Variants in PLXNA4 observed in about 807,000 individuals in gnomAD.
The protein encoded by PLXNA4 is plexin-A4.
Under a neutral mutation model 191.8 loss-of-function variants are expected in PLXNA4, and 44 were observed. The ratio of observed to expected loss-of-function variants is 0.23; its 90% CI spans 0.18 to 0.29. The LOEUF is 0.29. Ranked by LOEUF, PLXNA4 falls within the 10% of genes least tolerant of loss-of-function variation. The pLI is 1.00. For missense variants in PLXNA4, 1,800 were observed against 2,488.8 expected, an observed-to-expected ratio of 0.72 and a Z score of 5.89; for synonymous variants, 1,082 against 1,009.5, an observed-to-expected ratio of 1.07 and a Z score of -1.36.
At chr7:132,223,712 A>T in intron 8 of PLXNA4, 71 bp from the exon 9 acceptor site, 1 of 1,180,988 alleles carries the variant, frequency 8.5e-7, no homozygotes. Flanking sequence ...TTGAGTCTCT[A>T]TGGTCTAGCA....
At chr7:132,524,408 T>C (rs970660889) in intron 1 of PLXNA4, among the ~76,000 whole-genome samples, 1 of 152,022 alleles carries the variant, frequency 6.6e-6, no homozygotes, top group Admixed American at 6.5e-5. Flanking sequence ...GGATTGAAAA[T>C]GGAAAAGGGG....
chr7:132,589,519 C>T (rs1802567476), intron 2 of PLXNA4, among the ~76,000 whole-genome samples: 1 of 151,950 alleles, frequency 6.6e-6, no homozygotes. Context: ...TTTTAGTATC[C>T]CCATTTATAA....
chr7:132,191,313 A>G (rs1431518053), intron 14 of PLXNA4, among the ~76,000 whole-genome samples: 2 of 152,188 alleles, frequency 1.3e-5, no homozygotes, highest in African/African-American at 4.8e-5. Flanking sequence ...TCAGGAATGA[A>G]GGGATGCTGA....
intron 1 of PLXNA4, among the ~76,000 whole-genome samples, chr7:132,533,639 T>G (rs1799712437): frequency 6.6e-6 from 1 of 152,256 alleles, no homozygotes; most frequent in Non-Finnish European, 1.5e-5. Context: ...AAACTGCAGC[T>G]GCCCTGCCCA....
intron 3 of PLXNA4, among the ~76,000 whole-genome samples, chr7:132,311,193 T>TGTGTGTGTGTGTGTGTGTGTGTGCGCGC (rs71178034): frequency 1.9e-4 from 17 of 89,906 alleles, no homozygotes; most frequent in African/African-American, 6.5e-4. Flanking sequence ...TGTGTGTGTG[T>TGTGTGTGTGTGTGTGTGTGTGTGCGCGC]GCGCGTGTGG....
chr7:132,368,526 G>T (rs575104535), intron 3 of PLXNA4, among the ~76,000 whole-genome samples: 1 of 152,274 alleles, frequency 6.6e-6, no homozygotes, highest in South Asian at 2.1e-4. Flanking sequence ...GTGGGCTGTG[G>T]TCTCTCCTGT....
At chr7:132,254,133 C>T (rs1799350753) in intron 4 of PLXNA4, among the ~76,000 whole-genome samples, 1 of 152,164 alleles carries the variant, frequency 6.6e-6, no homozygotes, top group South Asian at 2.1e-4. Flanking sequence ...GGAAAAATCT[C>T]CAGGAGTGTC....
intron 3 of PLXNA4, among the ~76,000 whole-genome samples, chr7:132,362,805 T>G (rs1015842336): frequency 6.6e-6 from 1 of 152,290 alleles, no homozygotes; most frequent in East Asian, 1.9e-4. Context: ...ACAGGAAAAC[T>G]AATGTACATA....
intron 4 of PLXNA4, among the ~76,000 whole-genome samples, chr7:132,296,441 C>CTTT (rs11386403): frequency 6.2e-5 from 9 of 145,404 alleles, no homozygotes; most frequent in East Asian, 2.0e-4. Context: ...TTTAATTTCT[C>CTTT]TTTTTTTTTT....
chr7:132,626,501 G>T (rs1314562565), intron 2 of PLXNA4, among the ~76,000 whole-genome samples: 1 of 152,104 alleles, frequency 6.6e-6, no homozygotes, highest in East Asian at 1.9e-4. Context: ...CATCCCTTTG[G>T]TGCTGTCCTT....
intron 30 of PLXNA4, among the ~76,000 whole-genome samples, chr7:132,138,414 G>T (rs1795174848): frequency 6.6e-6 from 1 of 152,140 alleles, no homozygotes; most frequent in Non-Finnish European, 1.5e-5. Flanking sequence ...CCCAGGTGAG[G>T]TCTGCCCTGC....
At chr7:132,443,760 A>G (rs917488293) in intron 3 of PLXNA4, among the ~76,000 whole-genome samples, 1 of 152,200 alleles carries the variant, frequency 6.6e-6, no homozygotes, top group Admixed American at 6.5e-5. Flanking sequence ...CCAAAGACCA[A>G]CATGTGGCAT....
At position 132,130,049 on chromosome 7, in the gene PLXNA4, C is replaced by A. The variant is rs1041222741; in HGVS notation, c.*430G>T. ...ACTGAAGTCCTTCCTTGCCTCTTCC[C>A]TAGGCCAAGGCTCAGACCAAAGCAG... is the stretch of plus-strand genomic sequence containing the variant. On this transcript the variant is annotated 3_prime_UTR_variant, in exon 32 of 32. Transcript: ENST00000321063. 1.6e-5 allele frequency: 3 copies of A among 187,916 alleles called. No individual in the cohort carries two copies. Among genetic ancestry groups the A allele is most frequent in the Non-Finnish European group, 3.4e-5 (3 of 88,426 alleles). The allele number at this position is 187,916 out of a possible 1,614,324, so 11.6% of individuals were successfully genotyped here.
chr7:132,203,299 T>G, intron 11 of PLXNA4, 24 bp downstream of exon 11: 3 of 1,115,176 alleles, frequency 2.7e-6, no homozygotes, highest in Non-Finnish European at 4.0e-6. Context: ...CTCCCTCCCC[T>G]GCTAGGCCCC....
chr7:132,217,428 G>A (rs1303970097), intron 9 of PLXNA4, among the ~76,000 whole-genome samples: 4 of 152,172 alleles, frequency 2.6e-5, no homozygotes, highest in Non-Finnish European at 4.4e-5. Flanking sequence ...TTTACAAAAT[G>A]AGGGCTTTAA....
In PLXNA4 at chr7:132,597,915, G is replaced by A. The variant is rs144453926; in HGVS notation, c.-87+48013C>T. 6.1e-3 allele frequency among the ~76,000 whole-genome samples: 910 copies of A among 148,158 alleles called. 10 individuals carry two copies. The highest frequency in any genetic ancestry group is 0.022 in the African/African-American group (891 of 40,380). On this transcript the variant is annotated intron_variant, in intron 2 of 4. Coordinates refer to the PLXNA4 transcript ENST00000378539. ...TTTAACTTCTCAATAGCACTCCATC[G>A]TATGCTTCTACCACATTTTACATTT...
intron 10 of PLXNA4, among the ~76,000 whole-genome samples, chr7:132,205,627 T>C (rs1244871844): frequency 6.6e-6 from 1 of 152,096 alleles, no homozygotes; most frequent in Non-Finnish European, 1.5e-5. Flanking sequence ...TGGGGAAAGG[T>C]GATCTCACCA....
At chr7:132,196,654 C>T (rs1206909298) in intron 13 of PLXNA4, among the ~76,000 whole-genome samples, 5 of 152,136 alleles carry the variant, frequency 3.3e-5, no homozygotes, top group Non-Finnish European at 7.3e-5. Flanking sequence ...GTGTGATGGC[C>T]AGGCTAAAGG....
At chr7:132,225,782 A>G (rs887233252) in intron 8 of PLXNA4, among the ~76,000 whole-genome samples, 3 of 152,216 alleles carry the variant, frequency 2.0e-5, no homozygotes, top group African/African-American at 4.8e-5. Context: ...TTCTCTGCCC[A>G]TGGAGCTTGC....
Sources: gnomAD v4.1 joint callset for allele counts (sites outside exome capture counted in the v4.1 genomes callset) on GRCh38, gnomAD v4.1.1 for gene constraint, MANE v1.5 for transcripts, NCBI Gene and HGNC (gene_info 2026-07-23, HGNC 2026-07-21) for gene names.